MAST4: variants seen among roughly 807,000 people sequenced by gnomAD.
MAST4 encodes microtubule associated serine/threonine kinase family member 4.
MAST4 carries 89 observed loss-of-function variants against 162.7 expected under a neutral mutation model. The ratio of observed to expected loss-of-function variants is 0.55; its 90% CI spans 0.46 to 0.65. The LOEUF is 0.65. Among genes scored for constraint, MAST4 ranks in the 30% least tolerant of loss-of-function variants. The pLI is 0.00. For synonymous variants in MAST4, 1,479 were observed against 1,361.1 expected (o/e 1.09, Z -1.91); for missense variants, 3,153 against 3,374.0 (o/e 0.93, Z 1.62).
chr5:67,058,718 A>G (rs1759175537), intron 5 of MAST4, among the ~76,000 whole-genome samples: 1 of 152,248 alleles, frequency 6.6e-6, no homozygotes, highest in Non-Finnish European at 1.5e-5. Flanking sequence ...CACAGATGAA[A>G]GCACACTTGT....
At chr5:66,718,210 A>C (rs2149533897) in intron 1 of MAST4, among the ~76,000 whole-genome samples, 1 of 150,826 alleles carries the variant, frequency 6.6e-6, no homozygotes, top group African/African-American at 2.5e-5. Flanking sequence ...TGCTGAGAAA[A>C]AGCATAAGCA....
At position 66,927,152 on chromosome 5, in the gene MAST4, A is replaced by G. The variant is rs114370507; in HGVS notation, c.674+27170A>G. 1.8e-3 allele frequency among the ~76,000 whole-genome samples: 274 copies of G among 152,238 alleles called. 2 individuals carry two copies. The highest frequency in any genetic ancestry group is 6.2e-3 in the African/African-American group (258 of 41,536). On this transcript the variant is annotated intron_variant, in intron 4 of 28. Coordinates refer to ENST00000403625, the MANE Select transcript of MAST4 (RefSeq NM_001164664.2). ...AGCTTTTTAGCCTCTTCTATTTCCTATGTCTTCCAGACAGATCCTGTGGCA... is the reference window on the plus strand; with the variant it reads ...AGCTTTTTAGCCTCTTCTATTTCCTGTGTCTTCCAGACAGATCCTGTGGCA...
intron 1 of MAST4, among the ~76,000 whole-genome samples, chr5:66,724,181 A>G (rs1751380917): frequency 6.6e-6 from 1 of 152,212 alleles, no homozygotes; most frequent in Non-Finnish European, 1.5e-5. Context: ...GAAAGAGCTC[A>G]GTTCACTGTA....
At chr5:66,824,333 C>G (rs1331930703) in intron 3 of MAST4, among the ~76,000 whole-genome samples, 1 of 151,948 alleles carries the variant, frequency 6.6e-6, no homozygotes, top group Admixed American at 6.5e-5. Flanking sequence ...TGGTACTCCT[C>G]TCTGTCACAC....
chr5:66,827,465 C>A (rs377204589), intron 3 of MAST4, among the ~76,000 whole-genome samples: 13 of 152,154 alleles, frequency 8.5e-5, no homozygotes, highest in Non-Finnish European at 1.5e-4. Context: ...AATCAATTTT[C>A]CTCAGTGGTT....
intron 1 of MAST4, among the ~76,000 whole-genome samples, chr5:66,664,612 GA>G (rs1747131457): frequency 6.6e-6 from 1 of 150,448 alleles, no homozygotes; most frequent in South Asian, 2.1e-4. Context: ...TTAGCATAAA[GA>G]AGTTATTTAA....
At chr5:66,649,493 T>C (rs769278006) in intron 1 of MAST4, among the ~76,000 whole-genome samples, 2 of 152,174 alleles carry the variant, frequency 1.3e-5, no homozygotes, top group East Asian at 3.8e-4. Flanking sequence ...GATCGAATCA[T>C]CTGTCAAGTC....
intron 1 of MAST4, among the ~76,000 whole-genome samples, chr5:66,690,869 A>G (rs911262911): frequency 6.6e-6 from 1 of 151,998 alleles, no homozygotes; most frequent in African/African-American, 2.4e-5. Flanking sequence ...AGGGGTGGCT[A>G]CTCTTTCTCC....
intron 3 of MAST4, among the ~76,000 whole-genome samples, chr5:66,886,317 C>T (rs1460253056): frequency 1.3e-5 from 2 of 152,206 alleles, no homozygotes; most frequent in Admixed American, 1.3e-4. Context: ...GGTTGATACA[C>T]AATTCAACTC....
intron 4 of MAST4, among the ~76,000 whole-genome samples, chr5:67,048,882 G>T (rs186554628): frequency 8.7e-5 from 13 of 150,156 alleles, no homozygotes; most frequent in Admixed American, 7.3e-4. Context: ...AATTTCTTTT[G>T]TACAATTTCA....
chr5:66,907,503 A>T (rs13185477), intron 4 of MAST4, among the ~76,000 whole-genome samples: 1 of 151,896 alleles, frequency 6.6e-6, no homozygotes, highest in African/African-American at 2.4e-5. Context: ...GTATTGGATT[A>T]GGGTATTTCT....
At chr5:66,884,175 G>A (rs576211923) in intron 3 of MAST4, among the ~76,000 whole-genome samples, 17 of 152,284 alleles carry the variant, frequency 1.1e-4, no homozygotes, top group African/African-American at 3.9e-4. Flanking sequence ...CCCAAAAAGT[G>A]TTTCATATTA....
chr5:66,677,119 T>C (rs1019395170), intron 1 of MAST4, among the ~76,000 whole-genome samples: 1 of 152,222 alleles, frequency 6.6e-6, no homozygotes. Flanking sequence ...CACAAATACC[T>C]GGAATGGAAG....
chr5:66,907,205 G>GAGTC (rs1554066772), intron 4 of MAST4, among the ~76,000 whole-genome samples: 1 of 87,026 alleles, frequency 1.1e-5, no homozygotes, highest in Admixed American at 1.1e-4. Flanking sequence ...GAGAGAGAGA[G>GAGTC]AGTCCTGCTA....
intron 1 of MAST4, among the ~76,000 whole-genome samples, chr5:66,646,737 C>T (rs1745866223): frequency 6.6e-6 from 1 of 152,132 alleles, no homozygotes; most frequent in African/African-American, 2.4e-5. Flanking sequence ...GTCAAGAGCA[C>T]TTTATGAAAC....
At chr5:66,867,226 C>T (rs1760594738) in intron 3 of MAST4, among the ~76,000 whole-genome samples, 1 of 152,058 alleles carries the variant, frequency 6.6e-6, no homozygotes, top group Admixed American at 6.6e-5. Context: ...TTAAATTTTC[C>T]TTGTGCCTCT....
At chr5:67,108,243 T>C (rs1765813114) in intron 10 of MAST4, among the ~76,000 whole-genome samples, 1 of 152,236 alleles carries the variant, frequency 6.6e-6, no homozygotes. Flanking sequence ...AAAATGTGTT[T>C]AGGCTTTTCA....
intron 1 of MAST4, chr5:66,663,070 ACC>A (rs1747011461): frequency 6.6e-6 from 1 of 152,148 alleles, no homozygotes; most frequent in Non-Finnish European, 1.5e-5. Context: ...TGAACTCCTG[ACC>A]TCAGGTGATC....
chr5:66,617,207 C>T (rs1743751543), intron 1 of MAST4, among the ~76,000 whole-genome samples: 1 of 152,178 alleles, frequency 6.6e-6, no homozygotes, highest in Non-Finnish European at 1.5e-5. Flanking sequence ...AGAAGTGATT[C>T]TCTGTGGCTG....
Sources: gnomAD v4.1 joint callset for allele counts (sites outside exome capture counted in the v4.1 genomes callset) on GRCh38, gnomAD v4.1.1 for gene constraint, MANE v1.5 for transcripts, NCBI Gene and HGNC (gene_info 2026-07-23, HGNC 2026-07-21) for gene names.